AGO4: variants seen among roughly 807,000 people sequenced by gnomAD.
AGO4 encodes the protein protein argonaute-4.
In AGO4, 33 loss-of-function variants were observed where a neutral mutation model predicts 104.7. That is an observed-to-expected ratio of 0.32 (90% CI 0.24 to 0.42). The LOEUF is 0.42. Ranked by LOEUF, AGO4 falls within the 10% of genes least tolerant of loss-of-function variation. The pLI, the probability that AGO4 is intolerant of heterozygous loss-of-function variation, is 1.00. For missense variants in AGO4, 711 were observed against 1,083.4 expected, an observed-to-expected ratio of 0.66 and a Z score of 4.83; for synonymous variants, 331 against 364.7, an observed-to-expected ratio of 0.91 and a Z score of 1.05.
chr1:35,830,583 T>C (rs1644157137), intron 7 of AGO4, among the ~76,000 whole-genome samples: 1 of 152,214 alleles, frequency 6.6e-6, no homozygotes, highest in African/African-American at 2.4e-5. Context: ...TTAAAAAAAT[T>C]TCTCATCCAA....
At chr1:35,838,990 TA>T (rs1183495372) in intron 13 of AGO4, among the ~76,000 whole-genome samples, 1 of 152,142 alleles carries the variant, frequency 6.6e-6, no homozygotes, top group Non-Finnish European at 1.5e-5. Context: ...CTTATTTATT[TA>T]TTTTTTTGAG....
At chr1:35,835,105 G>A (rs1644279333) in intron 12 of AGO4, among the ~76,000 whole-genome samples, 1 of 145,866 alleles carries the variant, frequency 6.9e-6, no homozygotes, top group Admixed American at 7.2e-5. Context: ...CCGCCTCTTG[G>A]GTTCAAGTGA....
intron 15 of AGO4, 108 bp from the exon 16 acceptor site, chr1:35,850,049 C>T: frequency 1.5e-6 from 1 of 681,738 alleles, no homozygotes; most frequent in East Asian, 2.7e-5. Context: ...ATTTTCAAGA[C>T]TTAAGAGACA....
chr1:35,832,421 T>C lies in AGO4; in HGVS notation c.1246-16T>C, dbSNP rs548341574. On this transcript the variant is annotated splice_polypyrimidine_tract_variant and intron_variant, in intron 10 of 17. Coordinates refer to ENST00000373210, the MANE Select transcript of AGO4 (RefSeq NM_017629.4). ...GTTTCTTCTTCTTCTTCTTCTTCTT[T>C]TTTTTTTTTTCAAAGAATAAAACAG... 411 of 1,548,614 alleles carry C rather than the reference T, an allele frequency of 2.7e-4. No homozygotes were observed. Among genetic ancestry groups the C allele is most frequent in the Non-Finnish European group, 3.3e-4 (377 of 1,154,090 alleles).
chr1:35,842,625 G>C (rs1422988296), intron 15 of AGO4, among the ~76,000 whole-genome samples: 1 of 152,012 alleles, frequency 6.6e-6, no homozygotes, highest in Non-Finnish European at 1.5e-5. Flanking sequence ...AACATGGTGA[G>C]ACTCCATCTC....
chr1:35,818,666 AAAGG>A (rs796636245), intron 2 of AGO4, among the ~76,000 whole-genome samples: 1,754 of 79,812 alleles, frequency 0.022, 53 homozygotes, highest in African/African-American at 0.078. Context: ...AGAAAGGAAG[AAAGG>A]AAGGAAGGAA....
At chr1:35,829,838 C>CT (rs1230169314) in intron 7 of AGO4, among the ~76,000 whole-genome samples, 13 of 50,482 alleles carry the variant, frequency 2.6e-4, no homozygotes, top group Non-Finnish European at 6.3e-4. Context: ...GAGACTACAT[C>CT]TTAAAAAAAA....
chr1:35,853,425 T>G lies in AGO4; in HGVS notation c.2478-72T>G, dbSNP rs988681605. 25 of 1,426,194 alleles carry G rather than the reference T, an allele frequency of 1.8e-5. No homozygotes were observed. The South Asian group carries it at 2.2e-4, about 13-fold the overall frequency. The allele number at this position is 1,426,194 out of a possible 1,614,324, so 88.3% of individuals were successfully genotyped here. On this transcript the variant is annotated intron_variant, in intron 17 of 17. Coordinates refer to ENST00000373210, the MANE Select transcript of AGO4 (RefSeq NM_017629.4). Reference sequence around the variant, plus strand: ...TTCTGTTACACCTGTTTTTTGTTTTTTTGTTGTTGTTGTTTTTGGTTTTTT... The same window carrying G: ...TTCTGTTACACCTGTTTTTTGTTTTGTTGTTGTTGTTGTTTTTGGTTTTTT...
intron 11 of AGO4, 75 bp downstream of exon 11, chr1:35,832,645 G>A: frequency 1.3e-6 from 2 of 1,516,070 alleles, no homozygotes; most frequent in Non-Finnish European, 1.8e-6. Flanking sequence ...TGAATGTGCT[G>A]TGTACACTGG....
intron 1 of AGO4, among the ~76,000 whole-genome samples, chr1:35,814,830 A>G (rs1643638600): frequency 6.6e-6 from 1 of 152,194 alleles, no homozygotes; most frequent in Admixed American, 6.5e-5. Context: ...CATAAATATC[A>G]TAAAGTATTT....
At chr1:35,832,376 T>G in intron 10 of AGO4, 61 bp from the exon 11 acceptor site, 1 of 1,516,532 alleles carries the variant, frequency 6.6e-7, no homozygotes, top group Non-Finnish European at 8.8e-7. Context: ...TAGATTGTAA[T>G]GTCTTTTCTC....
intron 1 of AGO4, among the ~76,000 whole-genome samples, chr1:35,815,596 G>A (rs1643665974): frequency 1.3e-5 from 2 of 152,164 alleles, no homozygotes; most frequent in Admixed American, 1.3e-4. Flanking sequence ...GAGAGAGTAT[G>A]CAAGGTTTCT....
intron 3 of AGO4, 33 bp from the exon 4 acceptor site, chr1:35,825,280 T>G: frequency 6.3e-7 from 1 of 1,598,966 alleles, no homozygotes; most frequent in Non-Finnish European, 8.6e-7. Flanking sequence ...ATTGTAAACA[T>G]TTGTGTTTGT....
In AGO4 at chr1:35,825,194, A is replaced by C. The variant is rs189396813; in HGVS notation, c.307-119A>C. On this transcript the variant is annotated intron_variant, in intron 3 of 17. Transcript: ENST00000373210. ...CACTAAGTTGTTTCCAATGTTACACAATTGTAAAAAAAAGTTAAAAGAAAT... is the reference window on the plus strand; with the variant it reads ...CACTAAGTTGTTTCCAATGTTACACCATTGTAAAAAAAAGTTAAAAGAAAT... 104 of 1,034,202 alleles carry C rather than the reference A, an allele frequency of 1.0e-4. 1 individual carries two copies. Among genetic ancestry groups the C allele is most frequent in the Non-Finnish European group, 1.4e-4 (98 of 711,066 alleles). 64.1% of individuals were successfully genotyped at this position (1,034,202 alleles called of 1,614,324 possible).
At position 35,825,691 on chromosome 1, in the gene AGO4, G is replaced by A. The variant is rs761890799; in HGVS notation, c.501G>A (p.Val167=). 9 of 1,558,070 alleles carry A rather than the reference G, an allele frequency of 5.8e-6. No individual in the cohort carries two copies. The East Asian group carries it at 1.8e-4, about 31-fold the overall frequency. Residue 167 remains valine, a synonymous_variant, in exon 5 of 18, where the codon GTG becomes GTA. Coordinates refer to ENST00000373210, the MANE Select transcript of AGO4 (RefSeq NM_017629.4). The stretch of plus-strand genomic sequence containing the variant: ...CTTATTTCTTCAGGTACACCCCAGT[G>A]GGCCGTTCCTTTTTCTCACCCCCGG... The part of the protein sequence containing the change: ...RHLPSMRYTP[V]GRSFFSPPEG...
At chr1:35,835,006 C>CTTTTTT (rs34516326) in intron 12 of AGO4, among the ~76,000 whole-genome samples, 14 of 102,956 alleles carry the variant, frequency 1.4e-4, no homozygotes, top group South Asian at 3.2e-4. Flanking sequence ...CAGTTTTAAA[C>CTTTTTT]TTTTTTTTTT....
At chr1:35,818,587 G>T (rs566870318) in intron 2 of AGO4, among the ~76,000 whole-genome samples, 1 of 151,246 alleles carries the variant, frequency 6.6e-6, no homozygotes, top group African/African-American at 2.4e-5. Flanking sequence ...TCATGCCGCT[G>T]CATTCCAGCC....
intron 1 of AGO4, among the ~76,000 whole-genome samples, chr1:35,814,331 A>G (rs1643618383): frequency 1.3e-5 from 2 of 151,774 alleles, no homozygotes; most frequent in African/African-American, 4.8e-5. Context: ...TTTTTATTAT[A>G]CTTTAGGATA....
chr1:35,834,490 G>T (rs1027283343), intron 12 of AGO4, among the ~76,000 whole-genome samples: 1 of 152,200 alleles, frequency 6.6e-6, no homozygotes, highest in Non-Finnish European at 1.5e-5. Flanking sequence ...ACTTGCGTGG[G>T]AGCAGTGGGG....
Sources: allele counts gnomAD v4.1 joint callset (sites outside exome capture counted in the v4.1 genomes callset), GRCh38; gene constraint gnomAD v4.1.1; transcripts MANE v1.5; gene names NCBI Gene and HGNC (gene_info 2026-07-23, HGNC 2026-07-21).